DSCAM: variants seen among roughly 807,000 people sequenced by gnomAD.
The protein encoded by DSCAM is DS cell adhesion molecule.
DSCAM carries 47 observed loss-of-function variants against 217.7 expected under a neutral mutation model. The ratio of observed to expected loss-of-function variants is 0.22; its 90% CI spans 0.17 to 0.28. DSCAM has a LOEUF of 0.28. DSCAM is among the 10% of genes least tolerant of loss of function. DSCAM has a pLI of 1.00. For synonymous variants in DSCAM, 1,056 were observed against 1,015.3 expected (o/e 1.04, Z -0.76); for missense variants, 2,080 against 2,618.3 (o/e 0.79, Z 4.49).
intron 3 of DSCAM, among the ~76,000 whole-genome samples, chr21:40,613,454 A>G (rs1016515758): frequency 1.3e-5 from 2 of 152,334 alleles, no homozygotes; most frequent in African/African-American, 2.4e-5. Flanking sequence ...TAATTCTTAA[A>G]AAAAAGATTT....
At chr21:40,115,360 A>G (rs141342679) in intron 20 of DSCAM, among the ~76,000 whole-genome samples, 3 of 152,314 alleles carry the variant, frequency 2.0e-5, no homozygotes, top group East Asian at 3.9e-4. Flanking sequence ...TGGGAATTGA[A>G]CAATGAGAAC....
At chr21:40,582,896 G>T (rs2076916541) in intron 3 of DSCAM, among the ~76,000 whole-genome samples, 1 of 152,090 alleles carries the variant, frequency 6.6e-6, no homozygotes, top group Non-Finnish European at 1.5e-5. Context: ...GTAAACAAAG[G>T]AATTGCCTTT....
At chr21:40,402,588 T>C (rs912678551) in intron 3 of DSCAM, among the ~76,000 whole-genome samples, 4 of 151,920 alleles carry the variant, frequency 2.6e-5, no homozygotes, top group Admixed American at 2.6e-4. Flanking sequence ...TTTCTTTACC[T>C]AAAGTTAGGC....
intron 3 of DSCAM, among the ~76,000 whole-genome samples, chr21:40,587,563 T>C (rs899499601): frequency 6.6e-6 from 1 of 152,260 alleles, no homozygotes; most frequent in Admixed American, 6.5e-5. Context: ...ATTTTAAGAA[T>C]GCCTTTCAAT....
At position 40,044,111 on chromosome 21, in the gene DSCAM, C is replaced by A. The variant is rs940476276; in HGVS notation, c.5350G>T (p.Asp1784Tyr). 1 of 1,613,990 alleles carries A rather than the reference C, an allele frequency of 6.2e-7. No individual in the cohort carries two copies. The highest frequency in any genetic ancestry group is 1.1e-5 in the South Asian group (1 of 91,050). Residue 1784 changes from aspartate to tyrosine, a missense_variant, in exon 31 of 33, where the codon GAC becomes TAC. Physicochemically the swap from Asp to Tyr is radical, Grantham distance 160. Coordinates refer to ENST00000400454, the MANE Select transcript of DSCAM (RefSeq NM_001389.5). The part of the protein sequence containing the change: ...RAAGSVDKES[D>Y]SYSVSPSQDT... ...TGCGAGGGGCTGACGCTGTAACTGT[C>A]GCTCTCTTTGTCTACTGATCCTGCA... is the stretch of plus-strand genomic sequence containing the variant.
chr21:40,780,398 C>CGTGTGTGTGT (rs140268971), intron 1 of DSCAM, among the ~76,000 whole-genome samples: 6 of 108,634 alleles, frequency 5.5e-5, no homozygotes, highest in African/African-American at 1.9e-4. Flanking sequence ...CAAATATAAA[C>CGTGTGTGTGT]GTGTGTGTGT....
At chr21:40,376,353 T>G (rs1360110706) in intron 3 of DSCAM, among the ~76,000 whole-genome samples, 1 of 150,860 alleles carries the variant, frequency 6.6e-6, no homozygotes, top group African/African-American at 2.4e-5. Flanking sequence ...AACCACATGA[T>G]CCTCTTAGCA....
intron 2 of DSCAM, among the ~76,000 whole-genome samples, chr21:40,705,065 G>T (rs1402877684): frequency 6.6e-6 from 1 of 152,216 alleles, no homozygotes; most frequent in African/African-American, 2.4e-5. Context: ...TGATTTAGCA[G>T]GATTCTTGCT....
intron 21 of DSCAM, among the ~76,000 whole-genome samples, chr21:40,091,508 T>C (rs1337900657): frequency 2.6e-5 from 4 of 152,040 alleles, no homozygotes; most frequent in African/African-American, 7.2e-5. Context: ...GGACCAAGTG[T>C]GTCCTCCATC....
intron 19 of DSCAM, among the ~76,000 whole-genome samples, chr21:40,125,040 C>T (rs2090079294): frequency 6.6e-6 from 1 of 152,184 alleles, no homozygotes; most frequent in African/African-American, 2.4e-5. Flanking sequence ...TGAACTACCT[C>T]AGCCATCAGA....
intron 1 of DSCAM, among the ~76,000 whole-genome samples, chr21:40,717,423 A>G (rs991806213): frequency 3.9e-5 from 6 of 152,282 alleles, no homozygotes; most frequent in African/African-American, 1.4e-4. Flanking sequence ...CAATGGTGGA[A>G]ACAGCCTACA....
chr21:40,671,179 T>C (rs2090269016), intron 3 of DSCAM, among the ~76,000 whole-genome samples: 1 of 152,324 alleles, frequency 6.6e-6, no homozygotes, highest in African/African-American at 2.4e-5. Flanking sequence ...ATGTAAAAGT[T>C]CATTTTCCTC....
intron 3 of DSCAM, among the ~76,000 whole-genome samples, chr21:40,675,036 C>T (rs1012258749): frequency 1.6e-3 from 248 of 152,228 alleles, no homozygotes; most frequent in Non-Finnish European, 1.8e-3. Flanking sequence ...CACACATGCA[C>T]GCGCACACAC....
chr21:40,561,623 G>A (rs548816570), intron 3 of DSCAM, among the ~76,000 whole-genome samples: 4 of 152,200 alleles, frequency 2.6e-5, no homozygotes, highest in South Asian at 4.1e-4. Flanking sequence ...TTAATAAAAC[G>A]TGGGGTTTGT....
chr21:40,544,223 A>G (rs2076563590), intron 3 of DSCAM, among the ~76,000 whole-genome samples: 1 of 152,218 alleles, frequency 6.6e-6, no homozygotes, highest in Admixed American at 6.5e-5. Flanking sequence ...CACGGAGTAG[A>G]ACAGGAATTA....
At chr21:40,378,741 G>C (rs1449847211) in intron 3 of DSCAM, among the ~76,000 whole-genome samples, 1 of 151,428 alleles carries the variant, frequency 6.6e-6, no homozygotes, top group East Asian at 2.0e-4. Context: ...ACAGGCGCCC[G>C]CTACCACGCC....
At chr21:40,040,830 C>T (rs1212855750) in intron 32 of DSCAM, among the ~76,000 whole-genome samples, 3 of 152,178 alleles carry the variant, frequency 2.0e-5, no homozygotes, top group South Asian at 2.1e-4. Context: ...GGTCTTCTCT[C>T]CAGTCCTCCT....
chr21:40,496,372 C>T (rs2146023979), intron 3 of DSCAM, among the ~76,000 whole-genome samples: 1 of 152,262 alleles, frequency 6.6e-6, no homozygotes, highest in South Asian at 2.1e-4. Context: ...AACAAATCCA[C>T]ACATTTACAG....
At chr21:40,054,524 G>T (rs1171074519) in intron 29 of DSCAM, among the ~76,000 whole-genome samples, 1 of 152,232 alleles carries the variant, frequency 6.6e-6, no homozygotes, top group African/African-American at 2.4e-5. Context: ...GCAGGAGGCA[G>T]CTGGGCTATG....
Sources: gnomAD v4.1 joint callset for allele counts (sites outside exome capture counted in the v4.1 genomes callset) on GRCh38, gnomAD v4.1.1 for gene constraint, MANE v1.5 for transcripts, NCBI Gene and HGNC (gene_info 2026-07-23, HGNC 2026-07-21) for gene names.